CSK: variants seen among roughly 807,000 people sequenced by gnomAD.
CSK encodes C-terminal Src kinase, also known as tyrosine-protein kinase CSK.
In CSK, 7 loss-of-function variants were observed where a neutral mutation model predicts 62.3. The ratio of observed to expected loss-of-function variants is 0.11; its 90% CI spans 0.06 to 0.21. The LOEUF is 0.21. Ranked by LOEUF, CSK falls within the 10% of genes least tolerant of loss-of-function variation. The pLI, the probability that CSK is intolerant of heterozygous loss-of-function variation, is 1.00. For synonymous variants in CSK, 237 were observed against 246.0 expected (o/e 0.96, Z 0.34); for missense variants, 294 against 613.5 (o/e 0.48, Z 5.50).
intron 1 of CSK, among the ~76,000 whole-genome samples, chr15:74,793,444 A>G (rs1172769790): frequency 2.0e-5 from 3 of 151,462 alleles, no homozygotes; most frequent in Non-Finnish European, 2.9e-5. Context: ...CCCCATGGCA[A>G]CTCCTGGGGC....
chr15:74,798,914 C>A lies in CSK; in HGVS notation c.218C>A (p.Ala73Glu). ...GTCCAGAAGCGGGAGGGCGTGAAGG[C>A]GGGTACCAAACTCAGCCTCATGCCG... ...NYVQKREGVK[A>E]GTKLSLMPWF... The change falls in exon 4 of 13, where the codon GCG becomes GAG. Residue 73 changes from alanine to glutamate, a missense_variant. Physicochemically the swap from Ala to Glu is moderately radical, Grantham distance 107. Coordinates refer to ENST00000220003, the MANE Select transcript of CSK (RefSeq NM_004383.3). This position sits in a 1 kb window ranked among gnomAD's most constrained non-coding sequence, Gnocchi z 6.6. The A allele has an allele frequency of 6.5e-7, 1 of 1,534,394 alleles. No homozygotes were observed. Among genetic ancestry groups the A allele is most frequent in the Non-Finnish European group, 8.8e-7 (1 of 1,141,450 alleles).
chr15:74,802,280 T>G (rs1567219862), intron 12 of CSK, 51 bp from the exon 13 acceptor site: 6 of 1,516,752 alleles, frequency 4.0e-6, no homozygotes, highest in Non-Finnish European at 4.4e-6. Context: ...TGGGTAGGTG[T>G]CCTCTCTGAG....
chr15:74,796,661 C>T (rs981604983), intron 1 of CSK, among the ~76,000 whole-genome samples: 3 of 151,806 alleles, frequency 2.0e-5, no homozygotes, highest in South Asian at 2.1e-4. Flanking sequence ...AGTTCAGACC[C>T]GAGTTGTTCA....
chr15:74,788,595 C>G (rs568776827), intron 1 of CSK: 1 of 153,382 alleles, frequency 6.5e-6, no homozygotes, highest in East Asian at 1.9e-4. Flanking sequence ...CCCCATCTCC[C>G]TTAAGTAGTA....
In CSK at chr15:74,803,142, T is replaced by C. The variant is rs7085; in HGVS notation, c.*629T>C. 0.66 allele frequency: 101,501 copies of C among 152,924 alleles called. 34,053 individuals are homozygous for C. The highest frequency in any genetic ancestry group is 0.72 in the Middle Eastern group (213 of 296). The allele number at this position is 152,924 out of a possible 1,614,324, so 9.5% of individuals were successfully genotyped here. On this transcript the variant is annotated 3_prime_UTR_variant, in exon 13 of 13. Transcript: ENST00000220003. The stretch of plus-strand genomic sequence containing the variant: ...GCCCACCCGCCTTGTGAGATGGAAT[T>C]GTAATAAACCACGCCATGAGGACAC...
At chr15:74,796,172 G>A (rs2063702255) in intron 1 of CSK, among the ~76,000 whole-genome samples, 1 of 151,904 alleles carries the variant, frequency 6.6e-6, no homozygotes, top group Non-Finnish European at 1.5e-5. Context: ...AGTAAGCCGT[G>A]AGTCACCCCA....
chr15:74,801,444 C>A, intron 9 of CSK, 78 bp from the exon 10 acceptor site: 1 of 1,443,352 alleles, frequency 6.9e-7, no homozygotes, highest in Non-Finnish European at 9.5e-7. Context: ...TGTCAACACC[C>A]ACCCGGCCCC....
chr15:74,794,640 C>T (rs1214835582), intron 1 of CSK, among the ~76,000 whole-genome samples: 5 of 152,168 alleles, frequency 3.3e-5, no homozygotes, highest in Non-Finnish European at 5.9e-5. Context: ...ATTCCAGCCC[C>T]TCCTCAGCCA....
intron 1 of CSK, among the ~76,000 whole-genome samples, chr15:74,793,825 C>G (rs1213310918): frequency 6.6e-6 from 1 of 151,924 alleles, no homozygotes; most frequent in Admixed American, 6.6e-5. Flanking sequence ...TGACTAACAG[C>G]GCAGCAGCCT....
At chr15:74,783,056 G>A (rs1317288109) in intron 1 of CSK, among the ~76,000 whole-genome samples, 2 of 152,196 alleles carry the variant, frequency 1.3e-5, no homozygotes, top group East Asian at 3.8e-4. Flanking sequence ...TAGAGAGAGT[G>A]CTGGACTCCC....
At chr15:74,795,665 A>C (rs2063693410) in intron 1 of CSK, among the ~76,000 whole-genome samples, 1 of 152,164 alleles carries the variant, frequency 6.6e-6, no homozygotes. Flanking sequence ...GGGGTTGGCT[A>C]GGGTAGCTTT....
intron 1 of CSK, chr15:74,790,703 G>C (rs527847374): frequency 6.6e-6 from 1 of 152,372 alleles, no homozygotes; most frequent in East Asian, 1.9e-4. Flanking sequence ...CCAGCCTGGC[G>C]TCCCCTTTTT....
In CSK at chr15:74,802,591, G is replaced by C. The variant is rs1206524454; in HGVS notation, c.*78G>C. The C allele has an allele frequency of 1.9e-6, 3 of 1,557,062 alleles. No homozygotes were observed. Among genetic ancestry groups the C allele is most frequent in the Non-Finnish European group, 2.6e-6 (3 of 1,152,872 alleles). On this transcript the variant is annotated 3_prime_UTR_variant, in exon 13 of 13. Coordinates refer to ENST00000220003, the MANE Select transcript of CSK (RefSeq NM_004383.3). Reference sequence around the variant, plus strand: ...ATGGACCTGGTGCCCCTGCTCACTGGGCCCGAGCCTGAACTGAGCCCCAGC... The same window carrying C: ...ATGGACCTGGTGCCCCTGCTCACTGCGCCCGAGCCTGAACTGAGCCCCAGC...
At chr15:74,788,467 G>A (rs530569732) in intron 1 of CSK, 1 of 152,204 alleles carries the variant, frequency 6.6e-6, no homozygotes, top group African/African-American at 2.4e-5. Flanking sequence ...TTGCCCTATG[G>A]GGTGTTTGAA....
rs34226451 is a variant in CSK, at chr15:74,785,561, A to G, written c.-66+2841A>G. Among the ~76,000 whole-genome samples, 12 of 152,346 alleles carry G rather than the reference A, an allele frequency of 7.9e-5. No homozygotes were observed. In the East Asian group the frequency reaches 2.3e-3, roughly 29 times the overall value. On this transcript the variant is annotated intron_variant, in intron 1 of 12. Coordinates refer to ENST00000220003, the MANE Select transcript of CSK (RefSeq NM_004383.3). ...TATAAATAACAGGATGGTAACACCT[A>G]CTTCAGAGGAAGGTGTAAGGACAGT...
chr15:74,796,286 G>C (rs2063704140), intron 1 of CSK, among the ~76,000 whole-genome samples: 1 of 152,042 alleles, frequency 6.6e-6, no homozygotes, highest in African/African-American at 2.4e-5. Flanking sequence ...TAAGTCGAAG[G>C]GGATCATTAT....
rs1680491234 is a variant in CSK at position 74,793,061 on chromosome 15, A to G, written c.-65-5172A>G. 2.0e-5 allele frequency: 3 copies of G among 152,148 alleles called. No homozygotes were observed. The South Asian group carries it at 6.2e-4, about 32-fold the overall frequency. 9.4% of individuals were successfully genotyped at this position (152,148 alleles called of 1,614,324 possible). Reference sequence around the variant, plus strand: ...ATTCATTCAGGGGTCTCATGACCCCACCAGGGAGGAGCCGTCCAAGAGAGT... The same window carrying G: ...ATTCATTCAGGGGTCTCATGACCCCGCCAGGGAGGAGCCGTCCAAGAGAGT... On this transcript the variant is annotated intron_variant, in intron 1 of 12. Coordinates refer to ENST00000220003, the MANE Select transcript of CSK (RefSeq NM_004383.3).
intron 1 of CSK, among the ~76,000 whole-genome samples, chr15:74,796,747 T>A (rs1379789328): frequency 6.6e-6 from 1 of 152,180 alleles, no homozygotes; most frequent in Non-Finnish European, 1.5e-5. Context: ...TGGACCCACT[T>A]CATGATTGGG....
At chr15:74,793,555 A>G (rs1439982842) in intron 1 of CSK, among the ~76,000 whole-genome samples, 1 of 152,152 alleles carries the variant, frequency 6.6e-6, no homozygotes, top group Non-Finnish European at 1.5e-5. Flanking sequence ...GTGTGGCCCT[A>G]GGGACCCCCG....
Sources: gnomAD v4.1 joint callset for allele counts (sites outside exome capture counted in the v4.1 genomes callset) on GRCh38, gnomAD v4.1.1 for gene constraint, Gnocchi (gnomAD v3.1) non-coding constraint, MANE v1.5 for transcripts, NCBI Gene and HGNC (gene_info 2026-07-23, HGNC 2026-07-21) for gene names.